Variants in DOK6 observed in about 807,000 individuals in gnomAD.
DOK6 encodes docking protein 6, also known as downstream of tyrosine kinase 6.
DOK6 carries 22 observed loss-of-function variants against 44.0 expected under a neutral mutation model. The observed-to-expected ratio is 0.50, with a 90% CI of 0.36 to 0.71. DOK6 has a LOEUF of 0.71. DOK6 is among the 30% of genes least tolerant of loss of function. DOK6 has a pLI of 0.00. For missense variants in DOK6, 340 were observed against 416.4 expected, an observed-to-expected ratio of 0.82 and a Z score of 1.60; for synonymous variants, 166 against 145.5, an observed-to-expected ratio of 1.14 and a Z score of -1.01.
At chr18:69,561,992 A>T (rs142957382) in intron 1 of DOK6, among the ~76,000 whole-genome samples, 92 of 152,314 alleles carry the variant, frequency 6.0e-4, no homozygotes, top group Non-Finnish European at 9.1e-4. Flanking sequence ...AGATTTCAGA[A>T]GTTTCCTTCT....
At chr18:69,498,448 A>G (rs1259400671) in intron 1 of DOK6, among the ~76,000 whole-genome samples, 3 of 152,162 alleles carry the variant, frequency 2.0e-5, no homozygotes, top group Non-Finnish European at 2.9e-5. Flanking sequence ...CTTATTTTTT[A>G]TGCAAATAAT....
intron 1 of DOK6, among the ~76,000 whole-genome samples, chr18:69,482,016 G>A (rs75576801): frequency 0.24 from 36,152 of 152,042 alleles, 4,601 homozygotes; most frequent in East Asian, 0.53. Context: ...CTGCATAAAT[G>A]TCTTCTTTTG....
At chr18:69,592,258 C>A (rs1983639905) in intron 2 of DOK6, among the ~76,000 whole-genome samples, 1 of 150,068 alleles carries the variant, frequency 6.7e-6, no homozygotes, top group African/African-American at 2.4e-5. Flanking sequence ...TTAAACTTAC[C>A]CTTTAAAATC....
chr18:69,472,268 G>A lies in DOK6; in HGVS notation c.66+70958G>A, dbSNP rs149946194. The stretch of plus-strand genomic sequence containing the variant: ...AACGTATTCAGGCCAGATTCTGAGT[G>A]TGAGCGCCCGGGCAAGGTAAGGTGA... On this transcript the variant is annotated intron_variant, in intron 1 of 7. Coordinates refer to ENST00000382713, the MANE Select transcript of DOK6 (RefSeq NM_152721.6). Among the ~76,000 whole-genome samples, 10 of 152,286 alleles carry A rather than the reference G, an allele frequency of 6.6e-5. No individual in the cohort carries two copies. In the East Asian group the frequency reaches 1.5e-3, roughly 23 times the overall value.
intron 2 of DOK6, among the ~76,000 whole-genome samples, chr18:69,571,260 A>G (rs955860881): frequency 6.6e-6 from 1 of 152,072 alleles, no homozygotes; most frequent in African/African-American, 2.4e-5. Flanking sequence ...AAAAGTGAAT[A>G]AACTAAAATT....
chr18:69,743,414 C>T (rs1021026397), intron 6 of DOK6, among the ~76,000 whole-genome samples: 1 of 152,158 alleles, frequency 6.6e-6, no homozygotes, highest in African/African-American at 2.4e-5. Flanking sequence ...AGAAGCCACT[C>T]ATCAGAAACT....
intron 5 of DOK6, among the ~76,000 whole-genome samples, chr18:69,722,706 G>A (rs73970242): frequency 6.6e-6 from 1 of 152,160 alleles, no homozygotes; most frequent in Admixed American, 6.5e-5. Context: ...TCTTTGTCAT[G>A]TGTTTGCATT....
chr18:69,575,036 G>A (rs1317934146), intron 2 of DOK6, among the ~76,000 whole-genome samples: 1 of 152,034 alleles, frequency 6.6e-6, no homozygotes, highest in Non-Finnish European at 1.5e-5. Context: ...AGGCCATGGT[G>A]AAAAGCCTAG....
At chr18:69,819,930 T>C (rs1291626648) in intron 7 of DOK6, among the ~76,000 whole-genome samples, 1 of 152,130 alleles carries the variant, frequency 6.6e-6, no homozygotes, top group Non-Finnish European at 1.5e-5. Flanking sequence ...CGATAACTGA[T>C]GAGGTTTACA....
At chr18:69,716,712 A>C (rs1184995551) in intron 5 of DOK6, among the ~76,000 whole-genome samples, 1 of 148,666 alleles carries the variant, frequency 6.7e-6, no homozygotes, top group Non-Finnish European at 1.5e-5. Context: ...AAAAAAAAAA[A>C]AGTCTTCTGG....
At chr18:69,732,189 G>A (rs1300957360) in intron 5 of DOK6, among the ~76,000 whole-genome samples, 2 of 151,900 alleles carry the variant, frequency 1.3e-5, no homozygotes, top group Non-Finnish European at 2.9e-5. Context: ...AGGAGTACAC[G>A]AGGTGCTTTT....
At chr18:69,526,467 T>A (rs764150227) in intron 1 of DOK6, among the ~76,000 whole-genome samples, 6 of 152,214 alleles carry the variant, frequency 3.9e-5, no homozygotes, top group Admixed American at 6.5e-5. Flanking sequence ...ATGAATATGC[T>A]ACATTTTAAT....
chr18:69,635,795 C>A (rs1431437564), intron 3 of DOK6, among the ~76,000 whole-genome samples: 1 of 152,200 alleles, frequency 6.6e-6, no homozygotes, highest in Non-Finnish European at 1.5e-5. Context: ...CATCTCCAAC[C>A]CTAAGAAAGA....
chr18:69,759,732 AT>A (rs1979481053), intron 7 of DOK6, among the ~76,000 whole-genome samples: 1 of 152,206 alleles, frequency 6.6e-6, no homozygotes. Flanking sequence ...TATAGATATA[AT>A]AACTGATTGA....
chr18:69,672,344 T>A (rs991931798), intron 3 of DOK6, among the ~76,000 whole-genome samples: 4 of 151,668 alleles, frequency 2.6e-5, no homozygotes, highest in African/African-American at 9.7e-5. Flanking sequence ...GGTGGTTTTG[T>A]TTGTTAGTTT....
chr18:69,673,240 A>G (rs1262955403), intron 3 of DOK6, among the ~76,000 whole-genome samples: 1 of 151,936 alleles, frequency 6.6e-6, no homozygotes, highest in Admixed American at 6.6e-5. Context: ...GTATATATAT[A>G]TATATGATGA....
intron 1 of DOK6, among the ~76,000 whole-genome samples, chr18:69,448,541 T>C (rs1258979397): frequency 6.6e-6 from 1 of 151,844 alleles, no homozygotes; most frequent in Non-Finnish European, 1.5e-5. Flanking sequence ...CCAGCTAATG[T>C]TTTTGTATTT....
chr18:69,558,381 G>A (rs1000584781), intron 1 of DOK6, among the ~76,000 whole-genome samples: 1 of 152,034 alleles, frequency 6.6e-6, no homozygotes, highest in Non-Finnish European at 1.5e-5. Context: ...CTCCACTCCA[G>A]TGCCCTTTTT....
At chr18:69,599,701 T>C (rs11660014) in intron 3 of DOK6, among the ~76,000 whole-genome samples, 52,274 of 152,076 alleles carry the variant, frequency 0.34, 10,997 homozygotes, top group Non-Finnish European at 0.47. Context: ...TGGATTTGGC[T>C]CCCAGGTGGT....
Sources: gnomAD v4.1 joint callset for allele counts (sites outside exome capture counted in the v4.1 genomes callset) on GRCh38, gnomAD v4.1.1 for gene constraint, MANE v1.5 for transcripts, NCBI Gene and HGNC (gene_info 2026-07-23, HGNC 2026-07-21) for gene names.